Variants in GRIK1 observed in about 807,000 individuals in gnomAD.
GRIK1 encodes glutamate ionotropic receptor kainate type subunit 1.
A neutral mutation model predicts 105.7 loss-of-function variants in GRIK1; 69 were observed. The observed-to-expected ratio is 0.65, with a 90% confidence interval of 0.54 to 0.80. The LOEUF is 0.80. Ranked by LOEUF, GRIK1 falls within the 30% of genes least tolerant of loss-of-function variation. GRIK1 has a pLI of 0.00. For synonymous variants in GRIK1, 438 were observed against 431.3 expected (o/e 1.02, Z -0.19); for missense variants, 1,109 against 1,167.3 (o/e 0.95, Z 0.73).
chr21:29,928,562 G>A (rs1257202845), intron 1 of GRIK1, among the ~76,000 whole-genome samples: 1 of 152,234 alleles, frequency 6.6e-6, no homozygotes, highest in Non-Finnish European at 1.5e-5. Context: ...GACAGAAAGA[G>A]CCTGAGATAA....
intron 3 of GRIK1, among the ~76,000 whole-genome samples, chr21:29,688,668 C>T (rs1270117715): frequency 6.6e-6 from 1 of 152,114 alleles, no homozygotes; most frequent in African/African-American, 2.4e-5. Flanking sequence ...GTCTTACAGA[C>T]ATGTAAACAG....
At chr21:29,630,479 A>T in intron 7 of GRIK1, 1 of 471,228 alleles carries the variant, frequency 2.1e-6, no homozygotes, top group Non-Finnish European at 4.4e-6. Context: ...ACCTAATCAA[A>T]ATAGTTCTTT....
At chr21:29,710,437 A>G (rs946263339) in intron 1 of GRIK1, among the ~76,000 whole-genome samples, 1 of 152,126 alleles carries the variant, frequency 6.6e-6, no homozygotes, top group Non-Finnish European at 1.5e-5. Context: ...TAGAAATTCC[A>G]TTCAGCTTAA....
chr21:29,902,097 C>A (rs761724493), intron 1 of GRIK1, among the ~76,000 whole-genome samples: 1 of 152,166 alleles, frequency 6.6e-6, no homozygotes, highest in Non-Finnish European at 1.5e-5. Context: ...AATTCAACAG[C>A]CTTTCATGCT....
intron 15 of GRIK1, among the ~76,000 whole-genome samples, chr21:29,556,332 G>C (rs2090255413): frequency 6.6e-6 from 1 of 152,066 alleles, no homozygotes; most frequent in Admixed American, 6.5e-5. Context: ...TTTTCAAAGT[G>C]CCTGTCTTTG....
chr21:29,627,391 G>A (rs957198556), intron 7 of GRIK1, among the ~76,000 whole-genome samples: 1 of 152,182 alleles, frequency 6.6e-6, no homozygotes, highest in Non-Finnish European at 1.5e-5. Flanking sequence ...AAAAGTAGAG[G>A]GAAGGTACCA....
chr21:29,915,098 G>A (rs761777333), intron 1 of GRIK1, among the ~76,000 whole-genome samples: 5 of 151,948 alleles, frequency 3.3e-5, no homozygotes, highest in African/African-American at 9.7e-5. Flanking sequence ...GAAGACTTTA[G>A]TGATAGAAAA....
chr21:29,621,393 G>GGTGT (rs140835951), intron 7 of GRIK1, among the ~76,000 whole-genome samples: 5 of 149,492 alleles, frequency 3.3e-5, no homozygotes, highest in South Asian at 2.1e-4. Flanking sequence ...GGGCCTGAGG[G>GGTGT]GTGTGTGTGT....
chr21:29,897,001 C>T (rs2070191507), intron 1 of GRIK1, among the ~76,000 whole-genome samples: 1 of 152,152 alleles, frequency 6.6e-6, no homozygotes, highest in Non-Finnish European at 1.5e-5. Context: ...CTTTTACCCC[C>T]TTAACCTAAA....
chr21:29,935,466 T>C (rs2071715601), intron 1 of GRIK1, among the ~76,000 whole-genome samples: 1 of 152,170 alleles, frequency 6.6e-6, no homozygotes, highest in Admixed American at 6.5e-5. Flanking sequence ...AAAAACTAAG[T>C]GCCTAAAAAT....
chr21:29,759,276 C>G (rs991723677), intron 1 of GRIK1, among the ~76,000 whole-genome samples: 1 of 152,006 alleles, frequency 6.6e-6, no homozygotes, highest in Non-Finnish European at 1.5e-5. Context: ...CGCCACCATG[C>G]CCGGCTAATT....
intron 1 of GRIK1, among the ~76,000 whole-genome samples, chr21:29,729,785 T>C (rs765215741): frequency 6.6e-6 from 1 of 152,152 alleles, no homozygotes; most frequent in African/African-American, 2.4e-5. Flanking sequence ...TACCTATATG[T>C]AAGAGGGTGG....
intron 4 of GRIK1, among the ~76,000 whole-genome samples, chr21:29,661,022 T>C (rs1280849546): frequency 6.6e-6 from 1 of 151,738 alleles, no homozygotes; most frequent in Non-Finnish European, 1.5e-5. Flanking sequence ...AGGCTGCATC[T>C]ATACTATCCT....
chr21:29,892,957 C>T (rs1601961193), intron 1 of GRIK1, among the ~76,000 whole-genome samples: 3 of 152,218 alleles, frequency 2.0e-5, no homozygotes, highest in East Asian at 1.9e-4. Flanking sequence ...GTGGATCACC[C>T]GAGGTCAGGA....
intron 13 of GRIK1, among the ~76,000 whole-genome samples, chr21:29,580,420 G>T (rs187980443): frequency 1.3e-5 from 2 of 152,040 alleles, no homozygotes; most frequent in African/African-American, 2.4e-5. Flanking sequence ...ACTTAATTGC[G>T]TAACTAGGAT....
intron 1 of GRIK1, among the ~76,000 whole-genome samples, chr21:29,777,745 G>A (rs1003871062): frequency 6.6e-6 from 1 of 151,812 alleles, no homozygotes; most frequent in Non-Finnish European, 1.5e-5. Context: ...ATTTTGGAAC[G>A]TTAATGCAGG....
chr21:29,602,934 C>T (rs1343859783), intron 7 of GRIK1, among the ~76,000 whole-genome samples: 5 of 152,058 alleles, frequency 3.3e-5, no homozygotes, highest in Non-Finnish European at 7.4e-5. Flanking sequence ...ATATTGTAAG[C>T]AGTGTGTTGG....
At chr21:29,701,370 T>C (rs771458924) in intron 1 of GRIK1, among the ~76,000 whole-genome samples, 1 of 152,102 alleles carries the variant, frequency 6.6e-6, no homozygotes, top group Non-Finnish European at 1.5e-5. Flanking sequence ...ACTCTGAAGA[T>C]ACTGGGAGAA....
chr21:29,819,743 T>C (rs997272653), intron 1 of GRIK1, among the ~76,000 whole-genome samples: 2 of 151,900 alleles, frequency 1.3e-5, no homozygotes, highest in African/African-American at 4.8e-5. Context: ...TCAAGACTAT[T>C]TGAAATAAAA....
Sources: allele counts gnomAD v4.1 joint callset (sites outside exome capture counted in the v4.1 genomes callset), GRCh38; gene constraint gnomAD v4.1.1; transcripts MANE v1.5; gene names NCBI Gene and HGNC (gene_info 2026-07-23, HGNC 2026-07-21).